The following ERBB4 variants were observed in gnomAD, a reference collection of about 807,000 sequenced individuals.
ERBB4 encodes the protein receptor tyrosine-protein kinase erbB-4.
ERBB4 carries 42 observed loss-of-function variants against 158.0 expected under a neutral mutation model. That is an observed-to-expected ratio of 0.27 (90% confidence interval 0.21 to 0.34). The LOEUF (loss-of-function observed/expected upper bound fraction) is 0.34. ERBB4 is among the 10% of genes least tolerant of loss of function. The pLI, the probability that ERBB4 is intolerant of heterozygous loss-of-function variation, is 1.00. For synonymous variants in ERBB4, 583 were observed against 558.7 expected (o/e 1.04, Z -0.61); for missense variants, 1,333 against 1,624.1 (o/e 0.82, Z 3.08).
intron 1 of ERBB4, among the ~76,000 whole-genome samples, chr2:212,356,211 G>T (rs1474381898): frequency 6.6e-6 from 1 of 151,922 alleles, no homozygotes; most frequent in Non-Finnish European, 1.5e-5. Flanking sequence ...GCTTCAGCCA[G>T]TACTTTGGAG....
chr2:211,387,143 A>C lies in ERBB4; in HGVS notation c.3191T>G (p.Phe1064Cys). 6.2e-7 allele frequency: 1 copy of C among 1,612,138 alleles called. No homozygotes were observed. The highest frequency in any genetic ancestry group is 8.5e-7 in the Non-Finnish European group (1 of 1,178,156). ...PAYTPMSGNQFVYRDGGFAAE... is the reference protein window; with the variant it reads ...PAYTPMSGNQCVYRDGGFAAE... ...AGCAAAACCTCCATCTCGGTATACAAACTGGTTCTGTTAATAAGAGAAACA... is the reference window on the plus strand; with the variant it reads ...AGCAAAACCTCCATCTCGGTATACACACTGGTTCTGTTAATAAGAGAAACA... The change falls in exon 27 of 28, where the codon TTT becomes TGT. Residue 1064 changes from phenylalanine to cysteine, a missense_variant. Around this residue, in one of 5 missense-constraint regions of ERBB4, gnomAD observed 252 missense variants for 241.3 expected, o/e 1.04. Coordinates refer to ENST00000342788, the MANE Select transcript of ERBB4 (RefSeq NM_005235.3).
At chr2:211,927,110 T>C (rs2080038891) in intron 3 of ERBB4, among the ~76,000 whole-genome samples, 1 of 152,172 alleles carries the variant, frequency 6.6e-6, no homozygotes, top group African/African-American at 2.4e-5. Flanking sequence ...AAGATCTTTG[T>C]TTCCATGATA....
At position 212,204,425 on chromosome 2, in the gene ERBB4, C is replaced by T. The variant is rs569268948; in HGVS notation, c.83-79522G>A. ...AATATCAGTATTTGTGGGCCAGGCG[C>T]GGTGGCTCACATTTGTAATCCCAGC... On this transcript the variant is annotated intron_variant, in intron 1 of 27. Transcript: ENST00000342788. Among the ~76,000 whole-genome samples, 8 of 152,140 alleles carry T rather than the reference C, an allele frequency of 5.3e-5. 1 individual carries two copies. In the South Asian group the frequency reaches 1.0e-3, roughly 20 times the overall value.
At chr2:212,293,858 AC>A (rs71054192) in intron 1 of ERBB4, among the ~76,000 whole-genome samples, 5,351 of 85,430 alleles carry the variant, frequency 0.063, 1,071 homozygotes, top group African/African-American at 0.22. Flanking sequence ...AAAAAAAAAA[AC>A]AAAAAAAAAA....
At chr2:212,375,745 C>G (rs1027566804) in intron 1 of ERBB4, among the ~76,000 whole-genome samples, 1 of 151,976 alleles carries the variant, frequency 6.6e-6, no homozygotes, top group Non-Finnish European at 1.5e-5. Context: ...TAGTTTGAGG[C>G]ATTAAGAAGG....
chr2:211,661,186 T>C (rs997876487), intron 15 of ERBB4, among the ~76,000 whole-genome samples: 1 of 152,184 alleles, frequency 6.6e-6, no homozygotes, highest in Non-Finnish European at 1.5e-5. Context: ...AATAAGAGTA[T>C]GACTGAAGTG....
chr2:212,085,146 T>A (rs957775618), intron 2 of ERBB4, among the ~76,000 whole-genome samples: 1 of 151,958 alleles, frequency 6.6e-6, no homozygotes, highest in Non-Finnish European at 1.5e-5. Flanking sequence ...GCATGCCCTC[T>A]TGGTGCATAT....
intron 3 of ERBB4, among the ~76,000 whole-genome samples, chr2:211,903,533 T>A (rs767159802): frequency 3.3e-5 from 5 of 152,014 alleles, no homozygotes; most frequent in Admixed American, 3.3e-4. Context: ...TCATGAAATT[T>A]TGGTTGGTTT....
At chr2:211,438,842 C>G (rs893306095) in intron 20 of ERBB4, among the ~76,000 whole-genome samples, 1 of 151,950 alleles carries the variant, frequency 6.6e-6, no homozygotes, top group Non-Finnish European at 1.5e-5. Context: ...CTTCAAGAAG[C>G]CTGGTTAGGT....
intron 2 of ERBB4, among the ~76,000 whole-genome samples, chr2:212,117,564 A>C (rs1411710590): frequency 2.0e-5 from 3 of 152,110 alleles, no homozygotes; most frequent in Non-Finnish European, 4.4e-5. Flanking sequence ...CAAATATACC[A>C]CTTCATTATC....
chr2:211,420,312 G>T, intron 25 of ERBB4, 129 bp downstream of exon 25: 1 of 712,778 alleles, frequency 1.4e-6, no homozygotes, highest in Non-Finnish European at 2.4e-6. Flanking sequence ...TGTGGGTATG[G>T]TATATTTTTA....
intron 20 of ERBB4, among the ~76,000 whole-genome samples, chr2:211,463,244 A>G (rs533445417): frequency 6.8e-4 from 104 of 152,288 alleles, no homozygotes; most frequent in Non-Finnish European, 1.8e-4. Flanking sequence ...GCGGAGCTAT[A>G]GTTTTTAGTT....
intron 1 of ERBB4, among the ~76,000 whole-genome samples, chr2:212,365,504 G>T (rs970599859): frequency 5.3e-5 from 8 of 151,726 alleles, no homozygotes; most frequent in African/African-American, 1.9e-4. Flanking sequence ...TGCAAATTCA[G>T]CATTACCAGT....
intron 20 of ERBB4, among the ~76,000 whole-genome samples, chr2:211,438,577 C>A (rs2063906885): frequency 6.6e-6 from 1 of 152,030 alleles, no homozygotes. Context: ...TTATAAGATA[C>A]CATGTATTTT....
Position 211,936,220 on chromosome 2 carries a change from A to G in ERBB4, c.421+11210T>C, listed in dbSNP as rs376452031. ...AGAATATTTGCCAGAATATTCTGAG[A>G]CCGCCACTTAAAAAAAAAAGACCAA... On this transcript the variant is annotated intron_variant, in intron 3 of 27. Transcript: ENST00000342788. Among the ~76,000 whole-genome samples the G allele has an allele frequency of 2.0e-3, 304 of 151,838 alleles. 3 individuals are homozygous for G. The South Asian group carries it at 0.024, about 12-fold the overall frequency.
At chr2:211,592,578 AG>A (rs758820535) in intron 19 of ERBB4, among the ~76,000 whole-genome samples, 202 of 152,320 alleles carry the variant, frequency 1.3e-3, no homozygotes, top group African/African-American at 4.8e-3. Context: ...AAAGACAAAG[AG>A]GATTTCAAGG....
At chr2:211,462,182 T>C (rs1462045051) in intron 20 of ERBB4, among the ~76,000 whole-genome samples, 1 of 151,960 alleles carries the variant, frequency 6.6e-6, no homozygotes, top group Non-Finnish European at 1.5e-5. Context: ...GCTGGCACTT[T>C]ACATGGCCAG....
chr2:211,813,993 T>A (rs945771324), intron 3 of ERBB4, among the ~76,000 whole-genome samples: 1 of 152,066 alleles, frequency 6.6e-6, no homozygotes, highest in Non-Finnish European at 1.5e-5. Flanking sequence ...CAAAAGTACA[T>A]CAATTAATTA....
chr2:212,003,246 AAGGAAGGAAG>A (rs1490222474), intron 2 of ERBB4, among the ~76,000 whole-genome samples: 2,037 of 131,114 alleles, frequency 0.016, 284 homozygotes, highest in Non-Finnish European at 0.022. Context: ...GGAAGGAAGG[AAGGAAGGAAG>A]GAAAGAGAGA....
Sources: allele counts gnomAD v4.1 joint callset (sites outside exome capture counted in the v4.1 genomes callset), GRCh38; gene constraint gnomAD v4.1.1; regional missense constraint gnomAD v4.1.1; transcripts MANE v1.5; gene names NCBI Gene and HGNC (gene_info 2026-07-23, HGNC 2026-07-21).